QTMAN: variants seen among roughly 807,000 people sequenced by gnomAD.
QTMAN encodes the protein tRNA-queuosine alpha-mannosyltransferase.
At chr2:144,241,862 AAAAG>A in the QTMAN span, among the ~76,000 whole-genome samples, 4 of 152,296 alleles carry the variant, frequency 2.6e-5, no homozygotes, top group East Asian at 1.9e-4. Flanking sequence ...AAAAAAAATG[AAAAG>A]AAAGAAAGAA....
At chr2:143,944,668 T>C in the QTMAN span, 3 of 152,192 alleles carry the variant, frequency 2.0e-5, no homozygotes, top group Non-Finnish European at 4.4e-5. Context: ...ATGGTCTCGA[T>C]CTCCTGACCT....
the QTMAN span, among the ~76,000 whole-genome samples, chr2:144,025,546 A>G: frequency 1.3e-5 from 2 of 152,156 alleles, no homozygotes; most frequent in South Asian, 4.1e-4. Context: ...ACAGTATTGA[A>G]AGGACTATGC....
the QTMAN span, among the ~76,000 whole-genome samples, chr2:144,161,273 C>T: frequency 4.4e-4 from 67 of 152,234 alleles, no homozygotes; most frequent in East Asian, 0.013. Context: ...CAACTGTATA[C>T]AATGGAAATG....
chr2:144,184,079 G>C, the QTMAN span, among the ~76,000 whole-genome samples: 4 of 152,196 alleles, frequency 2.6e-5, no homozygotes, highest in African/African-American at 9.7e-5. Context: ...AAGTTAGAGA[G>C]TATGTGTGAG....
At chr2:143,992,336 GCATGCTCGTTAAGAGTCATCA>G in the QTMAN span, among the ~76,000 whole-genome samples, 1 of 147,878 alleles carries the variant, frequency 6.8e-6, no homozygotes, top group Non-Finnish European at 1.5e-5. Context: ...CTTGAAGGCA[GCATGCTCGTTAAGAGTCATCA>G]CCACTCCCTA....
At chr2:144,181,537 G>A in the QTMAN span, among the ~76,000 whole-genome samples, 1 of 152,084 alleles carries the variant, frequency 6.6e-6, no homozygotes, top group Non-Finnish European at 1.5e-5. Flanking sequence ...ACTTGGCCAG[G>A]CATGGTGTCT....
the QTMAN span, among the ~76,000 whole-genome samples, chr2:144,120,990 T>G: frequency 6.6e-6 from 1 of 152,174 alleles, no homozygotes; most frequent in South Asian, 2.1e-4. Flanking sequence ...ATATAACCAT[T>G]GAAGACCATA....
At chr2:144,240,848 G>A in the QTMAN span, among the ~76,000 whole-genome samples, 3 of 152,196 alleles carry the variant, frequency 2.0e-5, no homozygotes, top group African/African-American at 4.8e-5. Context: ...GAGCACCCAG[G>A]AGGGTGCAGG....
chr2:144,193,698 A>G, the QTMAN span, among the ~76,000 whole-genome samples: 4 of 151,886 alleles, frequency 2.6e-5, no homozygotes, highest in Non-Finnish European at 5.9e-5. Flanking sequence ...TAATTTTTTT[A>G]AATTTTTTTG....
the QTMAN span, among the ~76,000 whole-genome samples, chr2:144,197,342 T>C: frequency 6.6e-6 from 1 of 151,974 alleles, no homozygotes; most frequent in African/African-American, 2.4e-5. Context: ...TATGTAGATA[T>C]ATGTATGTGT....
the QTMAN span, among the ~76,000 whole-genome samples, chr2:144,016,280 G>A: frequency 1.3e-5 from 2 of 152,166 alleles, no homozygotes; most frequent in African/African-American, 4.8e-5. Flanking sequence ...ACTAAAGTAT[G>A]TTATCTCTAT....
the QTMAN span, among the ~76,000 whole-genome samples, chr2:143,977,054 A>G: frequency 6.6e-6 from 1 of 152,216 alleles, no homozygotes; most frequent in African/African-American, 2.4e-5. Flanking sequence ...GAATGAAGAA[A>G]TGTCTGGCAC....
At chr2:144,089,956 C>G in the QTMAN span, among the ~76,000 whole-genome samples, 1 of 151,838 alleles carries the variant, frequency 6.6e-6, no homozygotes, top group Non-Finnish European at 1.5e-5. Flanking sequence ...ATACATGTAA[C>G]AAAATTTCAC....
At chr2:144,057,776 C>T in the QTMAN span, among the ~76,000 whole-genome samples, 3 of 152,132 alleles carry the variant, frequency 2.0e-5, no homozygotes, top group East Asian at 5.8e-4. Context: ...TGTGAAGAAA[C>T]TCCCACATGG....
the QTMAN span, among the ~76,000 whole-genome samples, chr2:144,289,757 T>C: frequency 6.6e-6 from 1 of 152,314 alleles, no homozygotes; most frequent in Non-Finnish European, 1.5e-5. Flanking sequence ...AAGGCACATA[T>C]TGGCAGAATG....
chr2:144,011,036 CT>C, the QTMAN span, among the ~76,000 whole-genome samples: 4 of 152,062 alleles, frequency 2.6e-5, no homozygotes. Flanking sequence ...CAATCCGGTA[CT>C]TGAAAGAAGG....
chr2:144,325,503 A>G, the QTMAN span, among the ~76,000 whole-genome samples: 1 of 151,492 alleles, frequency 6.6e-6, no homozygotes, highest in African/African-American at 2.4e-5. Flanking sequence ...AGATATATAG[A>G]AAAAGAAAAA....
At chr2:144,228,528 T>C in the QTMAN span, among the ~76,000 whole-genome samples, 1 of 152,072 alleles carries the variant, frequency 6.6e-6, no homozygotes, top group African/African-American at 2.4e-5. Flanking sequence ...AATACACACA[T>C]ATAAGTAAAT....
the QTMAN span, among the ~76,000 whole-genome samples, chr2:143,998,007 C>T: frequency 0.047 from 7,219 of 152,000 alleles, 267 homozygotes; most frequent in African/African-American, 0.098. Context: ...CATTTCAACC[C>T]CTAATAAATA....
Sources: allele counts gnomAD v4.1 joint callset (sites outside exome capture counted in the v4.1 genomes callset), GRCh38; gene constraint gnomAD v4.1.1; transcripts MANE v1.5; gene names NCBI Gene and HGNC (gene_info 2026-07-23, HGNC 2026-07-21).